The following C2orf76 variants were observed in gnomAD, a reference collection of about 807,000 sequenced individuals.
C2orf76 encodes the protein chromosome 2 open reading frame 76.
Under a neutral mutation model 16.9 loss-of-function variants are expected in C2orf76, and 23 were observed. The observed-to-expected ratio is 1.36, with a 90% CI of 0.98 to 1.93. The LOEUF (loss-of-function observed/expected upper bound fraction) is 1.93, where lower values mean the gene tolerates loss of function less well. Among genes scored for constraint, C2orf76 ranks in the 30% most tolerant of loss-of-function variants. C2orf76 has a pLI of 0.00. For missense variants in C2orf76, 152 were observed against 152.6 expected (o/e 1.00, Z 0.02); for synonymous variants, 48 against 52.3 (o/e 0.92, Z 0.35).
intron 2 of C2orf76, among the ~76,000 whole-genome samples, chr2:119,325,375 G>A (rs953785195): frequency 2.7e-5 from 4 of 145,646 alleles, no homozygotes; most frequent in East Asian, 2.0e-4. Context: ...CATGAGAATC[G>A]CTTGAACCCA....
upstream of C2orf76, chr2:119,366,972 T>G: frequency 6.3e-7 from 1 of 1,592,544 alleles, no homozygotes; most frequent in Non-Finnish European, 8.6e-7. Flanking sequence ...CTAAAGGCGC[T>G]TGCCAGTGCA....
At chr2:119,283,881 C>A in the C2orf76 span, among the ~76,000 whole-genome samples, 1 of 152,132 alleles carries the variant, frequency 6.6e-6, no homozygotes, top group African/African-American at 2.4e-5. Context: ...GGGACTGAAT[C>A]TTGGAAACTG....
chr2:119,331,120 C>T (rs1243257441), intron 2 of C2orf76, among the ~76,000 whole-genome samples: 1 of 151,838 alleles, frequency 6.6e-6, no homozygotes, highest in East Asian at 1.9e-4. Flanking sequence ...TAAATTTTAT[C>T]TTGTTGGGTG....
At chr2:119,336,170 G>A (rs541283097) in intron 2 of C2orf76, among the ~76,000 whole-genome samples, 9 of 152,144 alleles carry the variant, frequency 5.9e-5, no homozygotes, top group Middle Eastern at 3.4e-3. Flanking sequence ...TGAGGCAGGC[G>A]GATCTCTTGA....
intron 5 of C2orf76, among the ~76,000 whole-genome samples, chr2:119,305,275 T>C (rs1291071610): frequency 1.3e-5 from 2 of 152,104 alleles, no homozygotes; most frequent in Non-Finnish European, 2.9e-5. Context: ...CATTTTATAA[T>C]GCTTCCAGAC....
intron 1 of C2orf76, among the ~76,000 whole-genome samples, chr2:119,344,926 T>G (rs947138431): frequency 1.3e-5 from 2 of 152,136 alleles, no homozygotes; most frequent in African/African-American, 4.8e-5. Context: ...GAAAAGATAG[T>G]TTCCTTAATA....
chr2:119,354,439 G>A (rs1026729435), intron 1 of C2orf76, among the ~76,000 whole-genome samples: 4 of 152,148 alleles, frequency 2.6e-5, no homozygotes, highest in Admixed American at 6.5e-5. Context: ...CACGAGAATC[G>A]CCTGAACCAG....
At chr2:119,350,221 T>C (rs938439412) in intron 1 of C2orf76, among the ~76,000 whole-genome samples, 1 of 151,930 alleles carries the variant, frequency 6.6e-6, no homozygotes, top group African/African-American at 2.4e-5. Context: ...ATGTTTGAGA[T>C]GTGGAAAAAA....
At chr2:119,320,872 C>A (rs1679320425) in intron 3 of C2orf76, among the ~76,000 whole-genome samples, 1 of 152,058 alleles carries the variant, frequency 6.6e-6, no homozygotes, top group South Asian at 2.1e-4. Flanking sequence ...TAAATCCCTT[C>A]TTTTAATTCT....
At chr2:119,301,076 A>AC (rs1678612702), downstream of C2orf76, among the ~76,000 whole-genome samples, 3 of 146,236 alleles carry the variant, frequency 2.1e-5, no homozygotes, top group African/African-American at 7.5e-5. Context: ...ACTTCTTAAA[A>AC]ACACACACAC....
At chr2:119,282,453 C>T in the C2orf76 span, among the ~76,000 whole-genome samples, 13 of 152,230 alleles carry the variant, frequency 8.5e-5, no homozygotes, top group Non-Finnish European at 1.8e-4. Flanking sequence ...AGCCAGCTTG[C>T]TCCTGTTCTC....
In C2orf76 at chr2:119,352,427, G is replaced by A. The variant is rs148624627; in HGVS notation, c.-12-12456C>T. Reference sequence around the variant, plus strand: ...AATGAACTGCACCCTATCTTACTATGTAAACAAGCTGCAACCTAACCTGCA... The same window carrying A: ...AATGAACTGCACCCTATCTTACTATATAAACAAGCTGCAACCTAACCTGCA... On this transcript the variant is annotated intron_variant, in intron 1 of 5. Coordinates refer to ENST00000334816, the MANE Select transcript of C2orf76 (RefSeq NM_001322331.2). Among the ~76,000 whole-genome samples, 164 of 152,310 alleles carry A rather than the reference G, an allele frequency of 1.1e-3. 1 individual carries two copies. Among genetic ancestry groups the A allele is most frequent in the Middle Eastern group, 3.4e-3 (1 of 294 alleles).
chr2:119,295,377 A>G, the C2orf76 span, among the ~76,000 whole-genome samples: 8 of 152,104 alleles, frequency 5.3e-5, no homozygotes, highest in Admixed American at 3.9e-4. Context: ...GGGAGGAGGA[A>G]GGGGCACTGA....
At chr2:119,322,769 C>G (rs187399169) in intron 2 of C2orf76, among the ~76,000 whole-genome samples, 8 of 148,008 alleles carry the variant, frequency 5.4e-5, no homozygotes, top group Non-Finnish European at 1.0e-4. Flanking sequence ...TATGAGAGAA[C>G]ATTATTTTTA....
intron 3 of C2orf76, 84 bp downstream of exon 3, chr2:119,321,069 AT>A: frequency 1.4e-6 from 1 of 721,904 alleles, no homozygotes; most frequent in Non-Finnish European, 2.1e-6. Context: ...ACAGATAGTC[AT>A]TTTTGAAAAC....
intron 2 of C2orf76, among the ~76,000 whole-genome samples, chr2:119,332,463 T>A (rs1196879996): frequency 6.6e-6 from 1 of 152,156 alleles, no homozygotes; most frequent in Non-Finnish European, 1.5e-5. Flanking sequence ...ATCTAAATTA[T>A]AGAAAAGCAC....
At chr2:119,340,043 C>A in intron 1 of C2orf76, 72 bp from the exon 2 acceptor site, 1 of 1,500,064 alleles carries the variant, frequency 6.7e-7, no homozygotes, top group Non-Finnish European at 9.1e-7. Flanking sequence ...TAGCCTGCAT[C>A]TCTATCAGCT....
At chr2:119,322,595 G>C (rs1433100258) in intron 2 of C2orf76, among the ~76,000 whole-genome samples, 2 of 152,132 alleles carry the variant, frequency 1.3e-5, no homozygotes, top group East Asian at 1.9e-4. Context: ...ATTGCTCACA[G>C]CAGCAAATGT....
intron 2 of C2orf76, among the ~76,000 whole-genome samples, chr2:119,326,781 C>T (rs1321604082): frequency 1.3e-5 from 2 of 152,146 alleles, no homozygotes; most frequent in African/African-American, 4.8e-5. Flanking sequence ...TCTTACACTT[C>T]TACCAAATGT....
Sources: allele counts gnomAD v4.1 joint callset (sites outside exome capture counted in the v4.1 genomes callset), GRCh38; gene constraint gnomAD v4.1.1; transcripts MANE v1.5; gene names NCBI Gene and HGNC (gene_info 2026-07-23, HGNC 2026-07-21).